The following SLC25A31 variants were observed in gnomAD, a reference collection of about 807,000 sequenced individuals.
SLC25A31 encodes the protein ADP/ATP translocase 4.
In SLC25A31, 40 loss-of-function variants were observed where a neutral mutation model predicts 36.2. The ratio of observed to expected loss-of-function variants is 1.10; its 90% confidence interval spans 0.86 to 1.44. The LOEUF (loss-of-function observed/expected upper bound fraction) is 1.44. Among genes scored for constraint, SLC25A31 ranks in the 40% most tolerant of loss-of-function variants. SLC25A31 has a pLI of 0.00. For missense variants in SLC25A31, 350 were observed against 397.1 expected, an observed-to-expected ratio of 0.88 and a Z score of 1.01; for synonymous variants, 143 against 149.7, an observed-to-expected ratio of 0.96 and a Z score of 0.32.
chr4:127,738,770 T>C (rs1270531958), intron 1 of SLC25A31, among the ~76,000 whole-genome samples: 1 of 152,220 alleles, frequency 6.6e-6, no homozygotes, highest in Non-Finnish European at 1.5e-5. Context: ...GTACTTGTTT[T>C]ATAAATCTGG....
chr4:127,741,015 T>C (rs541699975), intron 1 of SLC25A31, among the ~76,000 whole-genome samples: 1 of 152,240 alleles, frequency 6.6e-6, no homozygotes, highest in African/African-American at 2.4e-5. Context: ...TATGCTATTG[T>C]GAATGATACT....
intron 3 of SLC25A31, among the ~76,000 whole-genome samples, chr4:127,765,186 T>C (rs1732218244): frequency 6.6e-6 from 1 of 152,166 alleles, no homozygotes; most frequent in Admixed American, 6.5e-5. Flanking sequence ...ATTTGGCTGC[T>C]CAGGGTGAGG....
chr4:127,750,267 C>T (rs1731904677), intron 2 of SLC25A31, among the ~76,000 whole-genome samples: 1 of 152,070 alleles, frequency 6.6e-6, no homozygotes, highest in Admixed American at 6.5e-5. Flanking sequence ...TACAGGTGCT[C>T]GTCAACTTAC....
rs1732411493 is a variant in SLC25A31, at chr4:127,773,612, GT to G, written c.*40del. 6.9e-7 allele frequency: 1 copy of G among 1,458,918 alleles called. No individual in the cohort carries two copies. Among genetic ancestry groups the G allele is most frequent in the East Asian group, 2.3e-5 (1 of 42,590 alleles). 90.4% of individuals were successfully genotyped at this position (1,458,918 alleles called of 1,614,324 possible). On this transcript the variant is annotated 3_prime_UTR_variant, in exon 6 of 6. Transcript: ENST00000281154. ...ATTAAGAAATACATGGATTTAACTT[GT>G]TAAACATACAAATTACATAGCTGCC...
chr4:127,741,550 A>C (rs1176696953), intron 1 of SLC25A31, among the ~76,000 whole-genome samples: 1 of 152,190 alleles, frequency 6.6e-6, no homozygotes, highest in African/African-American at 2.4e-5. Context: ...CCATCCTTGC[A>C]TCCCAGGCAT....
intron 3 of SLC25A31, among the ~76,000 whole-genome samples, chr4:127,766,444 G>T (rs1442386636): frequency 1.3e-5 from 2 of 151,402 alleles, no homozygotes; most frequent in Non-Finnish European, 2.9e-5. Flanking sequence ...GGGATTACAG[G>T]CATGAGGCAC....
Position 127,730,760 on chromosome 4 carries a change from G to C in SLC25A31, c.215G>C (p.Arg72Pro). 6.2e-7 allele frequency: 1 copy of C among 1,610,870 alleles called. No homozygotes were observed. Among genetic ancestry groups the C allele is most frequent in the Non-Finnish European group, 8.5e-7 (1 of 1,177,776 alleles). The change falls in exon 1 of 6, where the codon CGG becomes CCG. Residue 72 changes from arginine to proline, a missense_variant. Physicochemically the swap from Arg to Pro is moderately radical, Grantham distance 103. Transcript: ENST00000281154. ...RYKGMVDCLV[R>P]IPREQGFFSF... ...AAAGGCATGGTGGACTGCCTGGTGC[G>C]GATTCCTCGCGAGCAGGGTGCGTCA...
chr4:127,735,888 A>ATTTTTTTT (rs1250183377), intron 1 of SLC25A31, among the ~76,000 whole-genome samples: 2 of 47,848 alleles, frequency 4.2e-5, no homozygotes, highest in Non-Finnish European at 8.3e-5. Flanking sequence ...TTATTTATTT[A>ATTTTTTTT]TTTATTTATT....
intron 5 of SLC25A31, among the ~76,000 whole-genome samples, chr4:127,771,026 G>A (rs930428153): frequency 3.5e-5 from 5 of 142,566 alleles, no homozygotes; most frequent in African/African-American, 5.4e-5. Context: ...GTGCAATCTC[G>A]GCTCACTGCA....
chr4:127,749,624 G>A lies in SLC25A31; in HGVS notation c.360+4825G>A, dbSNP rs1289633460. On this transcript the variant is annotated intron_variant, in intron 2 of 5. Coordinates refer to ENST00000281154, the MANE Select transcript of SLC25A31 (RefSeq NM_031291.4). Reference sequence around the variant, plus strand: ...CTGGGTATGGTGAGGCAGGAGAATCGCTTGAACCCAGGAGGTGGAGATTGC... The same window carrying A: ...CTGGGTATGGTGAGGCAGGAGAATCACTTGAACCCAGGAGGTGGAGATTGC... Among the ~76,000 whole-genome samples, 8 of 151,008 alleles carry A rather than the reference G, an allele frequency of 5.3e-5. No individual in the cohort carries two copies. In the East Asian group the frequency reaches 7.8e-4, roughly 15 times the overall value.
chr4:127,746,869 T>C (rs1161461262), intron 2 of SLC25A31, among the ~76,000 whole-genome samples: 4 of 152,214 alleles, frequency 2.6e-5, no homozygotes, highest in Non-Finnish European at 5.9e-5. Context: ...AAGGATGATA[T>C]TGCCTGGGTT....
chr4:127,735,588 C>T (rs1731609462), intron 1 of SLC25A31, among the ~76,000 whole-genome samples: 1 of 152,074 alleles, frequency 6.6e-6, no homozygotes, highest in Admixed American at 6.5e-5. Context: ...CCAGTAGGCA[C>T]AAAATGTCTG....
At chr4:127,751,557 C>A (rs1231583002) in intron 2 of SLC25A31, among the ~76,000 whole-genome samples, 79 of 152,210 alleles carry the variant, frequency 5.2e-4, no homozygotes, top group African/African-American at 1.3e-3. Context: ...GCAACACAAG[C>A]CAAAATTGAC....
chr4:127,738,640 G>T (rs1247587480), intron 1 of SLC25A31, among the ~76,000 whole-genome samples: 1 of 152,102 alleles, frequency 6.6e-6, no homozygotes, highest in Non-Finnish European at 1.5e-5. Context: ...GTCAAGTGTG[G>T]AATTTAAGTC....
intron 1 of SLC25A31, among the ~76,000 whole-genome samples, chr4:127,740,359 C>A (rs556492814): frequency 6.6e-6 from 1 of 152,220 alleles, no homozygotes; most frequent in Non-Finnish European, 1.5e-5. Flanking sequence ...GGGGGTGTAA[C>A]TGTAGACAAT....
Position 127,730,577 on chromosome 4 carries a change from A to C in SLC25A31, c.32A>C (p.Glu11Ala). The change falls in exon 1 of 6, where the codon GAA becomes GCA. Residue 11 changes from glutamate to alanine, a missense_variant. Glu to Ala is a moderately radical substitution (Grantham distance 107, BLOSUM62 -1). Transcript: ENST00000281154. MHREPAKKKA[E>A]KRLFDASSFG... ...CGTGAGCCTGCGAAAAAGAAGGCAG[A>C]AAAGCGGCTGTTTGACGCCTCATCC... 1 of 1,614,038 alleles carries C rather than the reference A, an allele frequency of 6.2e-7. No homozygotes were observed. Among genetic ancestry groups the C allele is most frequent in the Non-Finnish European group, 8.5e-7 (1 of 1,179,880 alleles).
chr4:127,768,580 A>C (rs911001315), intron 4 of SLC25A31, among the ~76,000 whole-genome samples, 172 bp from the exon 5 acceptor site: 1 of 152,128 alleles, frequency 6.6e-6, no homozygotes, highest in Non-Finnish European at 1.5e-5. Context: ...AAATATAGTC[A>C]TGTGTGGCAT....
intron 1 of SLC25A31, among the ~76,000 whole-genome samples, chr4:127,740,598 G>A (rs1261866365): frequency 2.0e-5 from 3 of 152,216 alleles, no homozygotes; most frequent in Non-Finnish European, 2.9e-5. Context: ...AAATCTGCCT[G>A]GTTGTGGAGC....
intron 2 of SLC25A31, among the ~76,000 whole-genome samples, chr4:127,747,332 G>C (rs1181577647): frequency 6.6e-6 from 1 of 152,228 alleles, no homozygotes; most frequent in African/African-American, 2.4e-5. Flanking sequence ...GAATAGCATT[G>C]AATCTGTAAA....
Sources: allele counts gnomAD v4.1 joint callset (sites outside exome capture counted in the v4.1 genomes callset), GRCh38; gene constraint gnomAD v4.1.1; transcripts MANE v1.5; gene names NCBI Gene and HGNC (gene_info 2026-07-23, HGNC 2026-07-21).